The following ATF7IP variants were observed in gnomAD, a reference collection of about 807,000 sequenced individuals.
ATF7IP encodes the protein activating transcription factor 7 interacting protein.
In ATF7IP, 23 loss-of-function variants were observed where a neutral mutation model predicts 106.4. That is an observed-to-expected ratio of 0.22 (90% CI 0.16 to 0.31). The LOEUF (loss-of-function observed/expected upper bound fraction) is 0.31, where lower values mean the gene tolerates loss of function less well. ATF7IP is among the 10% of genes least tolerant of loss of function. The pLI is 1.00. For missense variants in ATF7IP, 1,334 were observed against 1,524.3 expected, an observed-to-expected ratio of 0.88 and a Z score of 2.08; for synonymous variants, 542 against 539.0, an observed-to-expected ratio of 1.01 and a Z score of -0.08.
intron 9 of ATF7IP, among the ~76,000 whole-genome samples, chr12:14,465,006 A>G (rs1203088893): frequency 6.6e-6 from 1 of 152,214 alleles, no homozygotes; most frequent in African/African-American, 2.4e-5. Flanking sequence ...ACTTGAGGCC[A>G]GAAGATTGAG....
chr12:14,490,891 A>G (rs1195624118), intron 13 of ATF7IP, among the ~76,000 whole-genome samples: 1 of 152,198 alleles, frequency 6.6e-6, no homozygotes, highest in East Asian at 1.9e-4. Context: ...CACCCAGTTC[A>G]TGATGGTCAT....
intron 13 of ATF7IP, among the ~76,000 whole-genome samples, chr12:14,490,202 G>A (rs1302025234): frequency 1.3e-5 from 2 of 152,188 alleles, no homozygotes; most frequent in African/African-American, 2.4e-5. Flanking sequence ...GGGTGGCTGC[G>A]GATAGAGGCC....
At chr12:14,368,848 T>G (rs1258885038) in intron 1 of ATF7IP, among the ~76,000 whole-genome samples, 1 of 152,174 alleles carries the variant, frequency 6.6e-6, no homozygotes, top group Non-Finnish European at 1.5e-5. Context: ...TTTGGGGTCC[T>G]TAGCTTTTAA....
Position 14,460,814 on chromosome 12 carries a change from T to C in ATF7IP, c.2478T>C (p.Ser826=), listed in dbSNP as rs755114853. Residue 826 remains serine (S), a synonymous_variant, in exon 9 of 15, where the codon AGT becomes AGC. Coordinates refer to ENST00000261168, the MANE Select transcript of ATF7IP (RefSeq NM_018179.5). ...FISVQSPPTV[S]GLTKNPVSLP... Reference sequence around the variant, plus strand: ...CTGTGCAAAGCCCACCTACAGTGAGTGGTCTTACCAAAAATCCAGTATCCT... The same window carrying C: ...CTGTGCAAAGCCCACCTACAGTGAGCGGTCTTACCAAAAATCCAGTATCCT... 198 of 1,614,044 alleles carry C rather than the reference T, an allele frequency of 1.2e-4. No homozygotes were observed. The highest frequency in any genetic ancestry group is 1.6e-4 in the Non-Finnish European group (194 of 1,180,026).
chr12:14,494,195 G>T (rs1164492097), intron 13 of ATF7IP, among the ~76,000 whole-genome samples: 1 of 148,292 alleles, frequency 6.7e-6, no homozygotes, highest in Non-Finnish European at 1.5e-5. Context: ...ACCAATGAAA[G>T]AACTCCATCC....
At chr12:14,401,952 T>C (rs1940238176) in intron 1 of ATF7IP, among the ~76,000 whole-genome samples, 1 of 151,748 alleles carries the variant, frequency 6.6e-6, no homozygotes, top group Non-Finnish European at 1.5e-5. Flanking sequence ...GACCTCGTGA[T>C]GCGCTTGCCT....
chr12:14,471,223 T>C (rs1381135615), intron 10 of ATF7IP, among the ~76,000 whole-genome samples: 9 of 152,344 alleles, frequency 5.9e-5, no homozygotes, highest in Middle Eastern at 6.8e-3. Context: ...TTAGTGAATG[T>C]ACCATTACAC....
At chr12:14,495,955 T>G (rs1300677384) in intron 13 of ATF7IP, among the ~76,000 whole-genome samples, 1 of 152,222 alleles carries the variant, frequency 6.6e-6, no homozygotes, top group Non-Finnish European at 1.5e-5. Flanking sequence ...TCTCTTTATT[T>G]TCTCACGTAC....
intron 2 of ATF7IP, among the ~76,000 whole-genome samples, chr12:14,429,179 C>T (rs1942008281): frequency 6.6e-6 from 1 of 152,144 alleles, no homozygotes; most frequent in African/African-American, 2.4e-5. Flanking sequence ...CTGCCGCCCT[C>T]CTAATTTTTC....
intron 2 of ATF7IP, among the ~76,000 whole-genome samples, chr12:14,430,297 A>T (rs1160068626): frequency 6.6e-6 from 1 of 152,204 alleles, no homozygotes; most frequent in Non-Finnish European, 1.5e-5. Flanking sequence ...AGAAGTATTT[A>T]ACAATCTGGA....
intron 3 of ATF7IP, 64 bp from the exon 4 acceptor site, chr12:14,436,042 A>G: frequency 4.0e-6 from 6 of 1,505,436 alleles, no homozygotes; most frequent in Non-Finnish European, 5.5e-6. Flanking sequence ...CTAAGGATGG[A>G]TAATATGCAT....
At chr12:14,423,122 C>T (rs1315010218) in intron 1 of ATF7IP, among the ~76,000 whole-genome samples, 5 of 152,028 alleles carry the variant, frequency 3.3e-5, no homozygotes, top group Non-Finnish European at 5.9e-5. Flanking sequence ...TTTTGACTTG[C>T]GTTTCCCTGA....
intron 13 of ATF7IP, among the ~76,000 whole-genome samples, chr12:14,495,287 C>T (rs926369955): frequency 6.6e-6 from 1 of 152,210 alleles, no homozygotes; most frequent in East Asian, 1.9e-4. Context: ...CAAGTTGACA[C>T]TCAGTATTAA....
At chr12:14,451,638 A>T (rs1039931060) in intron 6 of ATF7IP, among the ~76,000 whole-genome samples, 1 of 150,870 alleles carries the variant, frequency 6.6e-6, no homozygotes, top group Non-Finnish European at 1.5e-5. Context: ...TTTAAACAGC[A>T]TGTTTAATTT....
At chr12:14,485,814 T>A (rs1224659721) in intron 13 of ATF7IP, among the ~76,000 whole-genome samples, 1 of 152,156 alleles carries the variant, frequency 6.6e-6, no homozygotes, top group African/African-American at 2.4e-5. Context: ...GCAATTAGAG[T>A]CACCACTTGA....
At chr12:14,480,670 G>T (rs1944401489) in intron 12 of ATF7IP, among the ~76,000 whole-genome samples, 1 of 152,060 alleles carries the variant, frequency 6.6e-6, no homozygotes, top group Non-Finnish European at 1.5e-5. Flanking sequence ...AAATTAGGAG[G>T]TTTTTCTCTT....
chr12:14,410,700 T>A (rs1940865637), intron 1 of ATF7IP, among the ~76,000 whole-genome samples: 1 of 152,188 alleles, frequency 6.6e-6, no homozygotes, highest in South Asian at 2.1e-4. Flanking sequence ...TCTATTTTAT[T>A]ATTAGTTATT....
chr12:14,418,924 A>T (rs959047588), intron 1 of ATF7IP, among the ~76,000 whole-genome samples: 2 of 152,122 alleles, frequency 1.3e-5, no homozygotes, highest in African/African-American at 4.8e-5. Flanking sequence ...TGGCAATTTA[A>T]TATTAACTGT....
At chr12:14,413,367 G>A (rs1187482814) in intron 1 of ATF7IP, among the ~76,000 whole-genome samples, 1 of 152,200 alleles carries the variant, frequency 6.6e-6, no homozygotes, top group Admixed American at 6.5e-5. Flanking sequence ...TGGGGAGGGA[G>A]TCTACTCTCA....
Sources: gnomAD v4.1 joint callset for allele counts (sites outside exome capture counted in the v4.1 genomes callset) on GRCh38, gnomAD v4.1.1 for gene constraint, MANE v1.5 for transcripts, NCBI Gene and HGNC (gene_info 2026-07-23, HGNC 2026-07-21) for gene names.